Variants in ERGIC1 observed in about 807,000 individuals in gnomAD.
ERGIC1 encodes the protein endoplasmic reticulum-golgi intermediate compartment 1.
ERGIC1 carries 19 observed loss-of-function variants against 38.3 expected under a neutral mutation model. The ratio of observed to expected loss-of-function variants is 0.50; its 90% CI spans 0.35 to 0.73. The LOEUF is 0.73. ERGIC1 is among the 30% of genes least tolerant of loss of function. The pLI, the probability that ERGIC1 is intolerant of heterozygous loss-of-function variation, is 0.01. For synonymous variants in ERGIC1, 124 were observed against 157.6 expected (o/e 0.79, Z 1.60); for missense variants, 294 against 389.2 (o/e 0.76, Z 2.06).
chr5:172,920,483 G>A (rs926890602), intron 5 of ERGIC1: 21 of 717,216 alleles, frequency 2.9e-5, no homozygotes, highest in African/African-American at 2.8e-4. Context: ...GGACAGGATG[G>A]GGTGAGGGGT....
chr5:172,870,166 A>T (rs965101783), intron 1 of ERGIC1, among the ~76,000 whole-genome samples: 1 of 152,258 alleles, frequency 6.6e-6, no homozygotes, highest in Non-Finnish European at 1.5e-5. Flanking sequence ...ACTCAGGCCA[A>T]ATCTGACCCA....
Position 172,923,988 on chromosome 5 carries a change from TCAC to T in ERGIC1, c.376-16_376-14del. 6.2e-7 allele frequency: 1 copy of T among 1,613,074 alleles called. No individual in the cohort carries two copies. Among genetic ancestry groups the T allele is most frequent in the Non-Finnish European group, 8.5e-7 (1 of 1,179,442 alleles). ...GAGAAGTCAACCAAACTCCTGAAACTCACATTTCTCCCCCAGGTCCCCGGCAAC... is the reference window on the plus strand; with the variant it reads ...GAGAAGTCAACCAAACTCCTGAAACTATTTCTCCCCCAGGTCCCCGGCAAC... On this transcript the variant is annotated splice_polypyrimidine_tract_variant and intron_variant, in intron 5 of 9. Transcript: ENST00000393784.
At chr5:172,855,143 C>T (rs1761512877) in intron 1 of ERGIC1, among the ~76,000 whole-genome samples, 1 of 152,192 alleles carries the variant, frequency 6.6e-6, no homozygotes, top group African/African-American at 2.4e-5. Flanking sequence ...CAGGTCACTG[C>T]ACCACCTACC....
chr5:172,844,000 C>T (rs908624403), intron 1 of ERGIC1, among the ~76,000 whole-genome samples: 5 of 152,206 alleles, frequency 3.3e-5, no homozygotes, highest in Non-Finnish European at 7.3e-5. Context: ...GTCCTGTGCA[C>T]CTCACCGAGC....
At chr5:172,862,084 C>T (rs150602913) in intron 1 of ERGIC1, among the ~76,000 whole-genome samples, 27,772 of 151,080 alleles carry the variant, frequency 0.18, 2,652 homozygotes, top group East Asian at 0.26. Flanking sequence ...CTCCGCCTCC[C>T]GGGTTCAAGC....
intron 7 of ERGIC1, among the ~76,000 whole-genome samples, chr5:172,930,003 T>C (rs540452533): frequency 6.6e-6 from 1 of 152,136 alleles, no homozygotes; most frequent in African/African-American, 2.4e-5. Context: ...CTGGCCAAGA[T>C]GGTGAAACCC....
rs1764248791 is a variant in ERGIC1, at chr5:172,952,334, G to A, written c.*1518G>A. 6.6e-6 allele frequency: 1 copy of A among 151,674 alleles called. No homozygotes were observed. Among genetic ancestry groups the A allele is most frequent in the Middle Eastern group, 3.4e-3 (1 of 292 alleles). The allele number at this position is 151,674 out of a possible 1,614,324, so 9.4% of individuals were successfully genotyped here. On this transcript the variant is annotated 3_prime_UTR_variant, in exon 10 of 10. Coordinates refer to ENST00000393784, the MANE Select transcript of ERGIC1 (RefSeq NM_001031711.3). ...GTTGACTGATGTTGTGAGTGTAAAT[G>A]CATTTGGTTATTTCTGGTATCGGTG...
chr5:172,844,472 T>C (rs562137239), intron 1 of ERGIC1, among the ~76,000 whole-genome samples: 2 of 152,388 alleles, frequency 1.3e-5, no homozygotes, highest in East Asian at 3.9e-4. Flanking sequence ...GACGATAGCC[T>C]ATGACAGGCA....
chr5:172,881,955 C>G (rs919436660), intron 1 of ERGIC1, among the ~76,000 whole-genome samples: 1 of 152,224 alleles, frequency 6.6e-6, no homozygotes, highest in Non-Finnish European at 1.5e-5. Context: ...GGTCACATCA[C>G]CGCAGCAAGG....
At position 172,949,658 on chromosome 5, in the gene ERGIC1, G is replaced by C. The variant is rs529938774; in HGVS notation, c.766-1051G>C. On this transcript the variant is annotated intron_variant, in intron 9 of 9. Coordinates refer to ENST00000393784, the MANE Select transcript of ERGIC1 (RefSeq NM_001031711.3). ...CATTGTGGTTGTCACAGCGTGGCGG[G>C]GGGGGGTATGATTGGCATCTCCTGG... Among the ~76,000 whole-genome samples the C allele has an allele frequency of 9.2e-5, 14 of 151,710 alleles. 1 individual carries two copies. In the South Asian group the frequency reaches 2.7e-3, roughly 30 times the overall value.
intron 1 of ERGIC1, among the ~76,000 whole-genome samples, chr5:172,888,229 G>C (rs1049820042): frequency 1.3e-5 from 2 of 152,180 alleles, no homozygotes; most frequent in Middle Eastern, 3.2e-3. Flanking sequence ...GGAGGCCAAG[G>C]TGGGCAGATC....
At chr5:172,869,838 A>G (rs993790340) in intron 1 of ERGIC1, among the ~76,000 whole-genome samples, 2 of 152,162 alleles carry the variant, frequency 1.3e-5, no homozygotes, top group African/African-American at 4.8e-5. Context: ...TTTGCCTTTA[A>G]GATGCATCTG....
intron 3 of ERGIC1, among the ~76,000 whole-genome samples, chr5:172,898,969 C>T (rs147943027): frequency 1.3e-5 from 2 of 152,100 alleles, no homozygotes; most frequent in African/African-American, 4.8e-5. Flanking sequence ...TTATGAGGTA[C>T]CTGTTGTATG....
At position 172,926,652 on chromosome 5, in the gene ERGIC1, G is replaced by T. The variant is rs1006420721; in HGVS notation, c.541+83G>T. On this transcript the variant is annotated intron_variant, in intron 7 of 9. Coordinates refer to ENST00000393784, the MANE Select transcript of ERGIC1 (RefSeq NM_001031711.3). This position sits in a 1 kb window ranked among gnomAD's most constrained non-coding sequence, Gnocchi z 5.2. ...GGAGGGGGAGGGCAGAGAGGTGGGG[G>T]TGCCTGTCCAGCACCCACTCCAAGG... The T allele has an allele frequency of 6.6e-7, 1 of 1,504,258 alleles. No individual in the cohort carries two copies. The highest frequency in any genetic ancestry group is 1.4e-5 in the African/African-American group (1 of 73,060). The allele number at this position is 1,504,258 out of a possible 1,614,324, so 93.2% of individuals were successfully genotyped here. A position where few individuals can be genotyped will look rare whatever the true frequency, so the allele number is the denominator to read the frequency against.
chr5:172,918,762 A>C lies in ERGIC1; in HGVS notation c.375+3924A>C, dbSNP rs898472933. On this transcript the variant is annotated intron_variant, in intron 5 of 9. Transcript: ENST00000393784. The stretch of plus-strand genomic sequence containing the variant: ...GGTTTAAGGCCTTGGAGAGGTTCAC[A>C]GTGCCGGCAGGCAGGTGGGGGGTTG... Among the ~76,000 whole-genome samples, 3 of 152,216 alleles carry C rather than the reference A, an allele frequency of 2.0e-5. 1 individual carries two copies. The highest frequency in any genetic ancestry group is 2.9e-5 in the Non-Finnish European group (2 of 68,030).
At chr5:172,949,937 G>A (rs1764197236) in intron 9 of ERGIC1, among the ~76,000 whole-genome samples, 1 of 152,210 alleles carries the variant, frequency 6.6e-6, no homozygotes, top group Admixed American at 6.5e-5. Context: ...GCCAGGCGCG[G>A]TGGCAGGCAG....
rs190545398 is a variant in ERGIC1 at position 172,889,010 on chromosome 5, C to T, written c.82+250C>T. ...TGTCAAGAGTAGCTGCCAGGCTGGGCGCGGTGGCTCACGCCTGTAATCCCA... is the reference window on the plus strand; with the variant it reads ...TGTCAAGAGTAGCTGCCAGGCTGGGTGCGGTGGCTCACGCCTGTAATCCCA... On this transcript the variant is annotated intron_variant, in intron 2 of 9. Coordinates refer to ENST00000393784, the MANE Select transcript of ERGIC1 (RefSeq NM_001031711.3). Among the ~76,000 whole-genome samples, 546 of 152,244 alleles carry T rather than the reference C, an allele frequency of 3.6e-3. 2 individuals are homozygous for T. Among genetic ancestry groups the T allele is most frequent in the African/African-American group, 0.013 (528 of 41,544 alleles).
At chr5:172,909,783 T>A in intron 4 of ERGIC1, 22 bp downstream of exon 4, 1 of 1,606,352 alleles carries the variant, frequency 6.2e-7, no homozygotes, top group African/African-American at 1.3e-5. Context: ...ACGCAGCCCC[T>A]CCCTCCAGCA....
chr5:172,910,550 G>GTTTTTT (rs1763180596), intron 4 of ERGIC1, among the ~76,000 whole-genome samples: 1 of 140,120 alleles, frequency 7.1e-6, no homozygotes, highest in Non-Finnish European at 1.5e-5. Flanking sequence ...TTGAGACGGA[G>GTTTTTT]TTTCACTCCT....
Sources: allele counts gnomAD v4.1 joint callset (sites outside exome capture counted in the v4.1 genomes callset), GRCh38; gene constraint gnomAD v4.1.1; non-coding constraint Gnocchi (gnomAD v3.1); transcripts MANE v1.5; gene names NCBI Gene and HGNC (gene_info 2026-07-23, HGNC 2026-07-21).